The following USP29 variants were observed in gnomAD, a reference collection of about 807,000 sequenced individuals.
USP29 encodes the protein ubiquitin specific peptidase 29.
For missense variants in USP29, 1,102 were observed against 1,069.0 expected (o/e 1.03, Z -0.43); for synonymous variants, 386 against 387.4 (o/e 1.00, Z 0.04).
chr19:57,130,098 C>A lies in USP29; in HGVS notation c.1423C>A (p.Leu475Ile), dbSNP rs149474650. The change falls in exon 4 of 4, where the codon CTT (leucine) becomes ATT (isoleucine). Residue 475 changes from leucine (L) to isoleucine (I), a missense_variant. By Grantham distance (5) the Leu-to-Ile change is conservative. Transcript: ENST00000254181. ...TTTGTCCATTCAGAATTCTTTAGAT[C>A]TTTTCTTTAAAGAAGAAGAGCTTGA... ...LPLSIQNSLD[L>I]FFKEEELEYN... 1.1e-5 allele frequency: 18 copies of A among 1,613,468 alleles called. No individual in the cohort carries two copies. The African/African-American group carries it at 1.7e-4, about 16-fold the overall frequency.
In USP29 at chr19:57,131,386, AGGCAG is replaced by A; in HGVS notation, c.2714_2718del (p.Ala905GlyfsTer10). 6.2e-7 allele frequency: 1 copy of A among 1,614,150 alleles called. No homozygotes were observed. The highest frequency in any genetic ancestry group is 8.5e-7 in the Non-Finnish European group (1 of 1,180,028). ...GAGAACTCTCGGCTACCTAGCACAC[AGGCAG>A]GGGTGATCCCTCAGGGGGAATACGA... On this transcript the variant is annotated frameshift_variant, in exon 4 of 4. Coordinates refer to ENST00000254181, the MANE Select transcript of USP29 (RefSeq NM_020903.3). LOFTEE classifies it low-confidence loss of function (END_TRUNC).
chr19:57,129,013 C>A lies in USP29; in HGVS notation c.338C>A (p.Ser113Tyr), dbSNP rs147501741. Residue 113 changes from serine to tyrosine, a missense_variant, in exon 4 of 4, where the codon TCT becomes TAT. Coordinates refer to ENST00000254181, the MANE Select transcript of USP29 (RefSeq NM_020903.3). ...AACAAATCTCAGCAACCCATGAAATCTGATGATGATTGGAGTGTGTTTGAA... is the reference window on the plus strand; with the variant it reads ...AACAAATCTCAGCAACCCATGAAATATGATGATGATTGGAGTGTGTTTGAA... ...HQNKSQQPMK[S>Y]DDDWSVFESR... The A allele has an allele frequency of 2.1e-4, 346 of 1,614,000 alleles. No homozygotes were observed. The highest frequency in any genetic ancestry group is 2.7e-4 in the Non-Finnish European group (320 of 1,180,022).
intron 1 of USP29, among the ~76,000 whole-genome samples, chr19:57,121,706 A>G (rs1331733160): frequency 1.4e-5 from 2 of 147,428 alleles, no homozygotes; most frequent in African/African-American, 4.9e-5. Flanking sequence ...TATGTTATAT[A>G]TATACATATA....
chr19:57,119,667 C>T (rs1009354979), upstream of USP29, among the ~76,000 whole-genome samples: 1 of 152,162 alleles, frequency 6.6e-6, no homozygotes, highest in Non-Finnish European at 1.5e-5. Context: ...AGGTGATCCG[C>T]CCTCCTCGGC....
intron 3 of USP29, among the ~76,000 whole-genome samples, chr19:57,125,247 T>C (rs1384085655): frequency 1.3e-5 from 2 of 152,216 alleles, no homozygotes; most frequent in African/African-American, 4.8e-5. Flanking sequence ...TTGTTTGTTA[T>C]GATTTCCGTT....
At chr19:57,124,467 G>T (rs1374248787) in intron 3 of USP29, among the ~76,000 whole-genome samples, 3 of 145,492 alleles carry the variant, frequency 2.1e-5, no homozygotes, top group African/African-American at 2.5e-5. Flanking sequence ...TTTTTGTGGG[G>T]TTTTTTTTTT....
In USP29 at chr19:57,130,118, G is replaced by A; in HGVS notation, c.1443G>A (p.Glu481=). The A allele has an allele frequency of 6.2e-7, 1 of 1,613,826 alleles. No individual in the cohort carries two copies. The highest frequency in any genetic ancestry group is 8.5e-7 in the Non-Finnish European group (1 of 1,179,958). ...TAGATCTTTTCTTTAAAGAAGAAGA[G>A]CTTGAATATAACTGTCAGATGTGTA... is the stretch of plus-strand genomic sequence containing the variant. ...NSLDLFFKEE[E]LEYNCQMCKQ... Residue 481 remains glutamate, a synonymous_variant, in exon 4 of 4, where the codon GAG becomes GAA. Transcript: ENST00000254181.
intron 3 of USP29, among the ~76,000 whole-genome samples, chr19:57,128,107 C>T (rs1211526395): frequency 6.6e-6 from 1 of 152,164 alleles, no homozygotes; most frequent in Non-Finnish European, 1.5e-5. Context: ...CACTGCCTAA[C>T]TAGTCCCGAT....
rs140065138 is a variant in USP29, at chr19:57,131,089, G to A, written c.2414G>A (p.Gly805Asp). The A allele has an allele frequency of 3.1e-6, 5 of 1,614,034 alleles. No individual in the cohort carries two copies. The highest frequency in any genetic ancestry group is 2.2e-5 in the South Asian group (2 of 91,082). Residue 805 changes from glycine (G) to aspartate (D), a missense_variant, in exon 4 of 4, where the codon GGT (glycine) becomes GAT (aspartate). Physicochemically the swap from Gly to Asp is moderately conservative, Grantham distance 94. Transcript: ENST00000254181. ...KNILDAENTR[G>D]EAKELTRNVK... ...ATTTTAGATGCAGAGAACACAAGAG[G>A]TGAAGCCAAGGAACTAACAAGAAAC...
In USP29 at chr19:57,130,257, C is replaced by T; in HGVS notation, c.1582C>T (p.Gln528Ter). 1 of 1,614,026 alleles carries T rather than the reference C, an allele frequency of 6.2e-7. No homozygotes were observed. The highest frequency in any genetic ancestry group is 8.5e-7 in the Non-Finnish European group (1 of 1,180,004). Residue 528 changes from glutamine (Q) to a stop codon, truncating the protein, a stop_gained, in exon 4 of 4, where the codon CAA (glutamine) becomes TAA (stop). Coordinates refer to ENST00000254181, the MANE Select transcript of USP29 (RefSeq NM_020903.3). LOFTEE classifies it low-confidence loss of function (END_TRUNC). Reference sequence around the variant, plus strand: ...TTGGTTGCTGGTGAAGAATAACGAGCAAGTTTATATTCCCAAATCTTTAAG... The same window carrying T: ...TTGGTTGCTGGTGAAGAATAACGAGTAAGTTTATATTCCCAAATCTTTAAG... ...NAWLLVKNNE[Q>*]VYIPKSLSLS...
At chr19:57,125,847 T>G (rs1479720792) in intron 3 of USP29, among the ~76,000 whole-genome samples, 3 of 152,116 alleles carry the variant, frequency 2.0e-5, no homozygotes, top group African/African-American at 7.2e-5. Flanking sequence ...TTGATGCAGT[T>G]TCTTCTGTGT....
chr19:57,120,788 C>CAAAAAA (rs71293954), intron 1 of USP29, among the ~76,000 whole-genome samples: 5,126 of 31,102 alleles, frequency 0.16, 1,390 homozygotes, highest in South Asian at 0.27. Context: ...GACTCCGTCT[C>CAAAAAA]AAAAAAAAAA....
intron 2 of USP29, 39 bp downstream of exon 2, chr19:57,122,513 ATGTGTGTGTGTGTGTG>A (rs761754087): frequency 6.1e-4 from 82 of 135,528 alleles, no homozygotes; most frequent in African/African-American, 2.1e-3. Context: ...GGGTGATGGG[ATGTGTGTGTGTGTGTG>A]TGTGTGTGTG....
rs1303255167 is a variant in USP29, at chr19:57,131,891, T to C, written c.*447T>C. On this transcript the variant is annotated 3_prime_UTR_variant, in exon 4 of 4. Coordinates refer to ENST00000254181, the MANE Select transcript of USP29 (RefSeq NM_020903.3). ...TTGGTGTATTTTGCTACTGTTGATATGGATTGCTTATGTTATATAAACGAT... is the reference window on the plus strand; with the variant it reads ...TTGGTGTATTTTGCTACTGTTGATACGGATTGCTTATGTTATATAAACGAT... The C allele has an allele frequency of 5.7e-6, 1 of 175,136 alleles. No homozygotes were observed. Among genetic ancestry groups the C allele is most frequent in the East Asian group, 1.8e-4 (1 of 5,422 alleles). 10.8% of individuals were successfully genotyped at this position (175,136 alleles called of 1,614,324 possible). A position where few individuals can be genotyped will look rare whatever the true frequency, so the allele number is the denominator to read the frequency against.
rs1275342276 is a variant in USP29 at position 57,119,985 on chromosome 19, A to G, written c.-512A>G. The G allele has an allele frequency of 2.0e-5, 3 of 152,252 alleles. No homozygotes were observed. The highest frequency in any genetic ancestry group is 7.2e-5 in the African/African-American group (3 of 41,402). 9.4% of individuals were successfully genotyped at this position (152,252 alleles called of 1,614,324 possible). A position where few individuals can be genotyped will look rare whatever the true frequency, so the allele number is the denominator to read the frequency against. ...GCAGACGCAGCGTGCTGTGCCCAGA[A>G]CTCTTCTGTTCCCAGGAGAATCAGG... On this transcript the variant is annotated 5_prime_UTR_variant, in exon 1 of 4. Transcript: ENST00000254181.
In USP29 at chr19:57,121,411, C is replaced by T. The variant is rs184314291; in HGVS notation, c.-267-914C>T. On this transcript the variant is annotated intron_variant, in intron 1 of 3. Transcript: ENST00000254181. ...TATATACTTATATATGTTATACATA[C>T]TTATATGTTATATATACTTATGTTA... 3.7e-3 allele frequency among the ~76,000 whole-genome samples: 501 copies of T among 134,884 alleles called. 5 individuals carry two copies. The highest frequency in any genetic ancestry group is 6.5e-3 in the Non-Finnish European group (401 of 61,870). 88.5% of individuals were successfully genotyped at this position (134,884 alleles called of 152,430 possible). A position where few individuals can be genotyped will look rare whatever the true frequency, so the allele number is the denominator to read the frequency against.
At position 57,129,450 on chromosome 19, in the gene USP29, G is replaced by A; in HGVS notation, c.775G>A (p.Glu259Lys). ...CAAAAATGGTTTGACATCTCCATTG[G>A]AACCAGAGCACAGCCAGGGTGACCC... ...NAKNGLTSPL[E>K]PEHSQGDPRC... The change falls in exon 4 of 4, where the codon GAA becomes AAA. Residue 259 changes from glutamate to lysine, a missense_variant. By Grantham distance (56) the Glu-to-Lys change is moderately conservative. Transcript: ENST00000254181. The A allele has an allele frequency of 6.2e-7, 1 of 1,614,178 alleles. No individual in the cohort carries two copies. Among genetic ancestry groups the A allele is most frequent in the Non-Finnish European group, 8.5e-7 (1 of 1,180,040 alleles).
intron 2 of USP29, among the ~76,000 whole-genome samples, chr19:57,123,299 G>A (rs1026657285): frequency 6.6e-6 from 1 of 152,178 alleles, no homozygotes; most frequent in African/African-American, 2.4e-5. Flanking sequence ...CAATAAACCT[G>A]TAATAAAAGT....
At chr19:57,119,420 T>C (rs149193464), upstream of USP29, among the ~76,000 whole-genome samples, 1 of 152,108 alleles carries the variant, frequency 6.6e-6, no homozygotes, top group African/African-American at 2.4e-5. Context: ...ACCGCTTTTT[T>C]GGGGGTTTTG....
Sources: gnomAD v4.1 joint callset for allele counts (sites outside exome capture counted in the v4.1 genomes callset) on GRCh38, gnomAD v4.1.1 for gene constraint, MANE v1.5 for transcripts, NCBI Gene and HGNC (gene_info 2026-07-23, HGNC 2026-07-21) for gene names.